The following RAP1GDS1 variants were observed in gnomAD, a reference collection of about 807,000 sequenced individuals.
The protein encoded by RAP1GDS1 is Rap1 GTPase-GDP dissociation stimulator 1.
In RAP1GDS1, 35 loss-of-function variants were observed where a neutral mutation model predicts 71.1. The ratio of observed to expected loss-of-function variants is 0.49; its 90% CI spans 0.38 to 0.65. The LOEUF (loss-of-function observed/expected upper bound fraction) is 0.65. RAP1GDS1 is among the 30% of genes least tolerant of loss of function. The pLI is 0.00. For missense variants in RAP1GDS1, 663 were observed against 706.1 expected (o/e 0.94, Z 0.69); for synonymous variants, 229 against 243.1 (o/e 0.94, Z 0.54).
chr4:98,326,474 G>A (rs1238507866), intron 2 of RAP1GDS1, among the ~76,000 whole-genome samples: 1 of 152,076 alleles, frequency 6.6e-6, no homozygotes, highest in Non-Finnish European at 1.5e-5. Flanking sequence ...AAAGGAAATT[G>A]TGATTTATTC....
intron 6 of RAP1GDS1, among the ~76,000 whole-genome samples, chr4:98,398,880 C>G (rs1744942682): frequency 6.6e-6 from 1 of 152,068 alleles, no homozygotes; most frequent in African/African-American, 2.4e-5. Flanking sequence ...GGTGAAAGAC[C>G]TACAAGGAAA....
intron 4 of RAP1GDS1, among the ~76,000 whole-genome samples, chr4:98,371,631 C>A (rs1740399526): frequency 6.6e-6 from 1 of 152,004 alleles, no homozygotes. Flanking sequence ...CACACGCCAC[C>A]ATGCCTGGCT....
At chr4:98,267,365 T>C (rs1175154750) in intron 1 of RAP1GDS1, among the ~76,000 whole-genome samples, 2 of 152,150 alleles carry the variant, frequency 1.3e-5, no homozygotes, top group African/African-American at 4.8e-5. Flanking sequence ...GTTTTTTACA[T>C]GGGCATGTTA....
chr4:98,371,829 C>T (rs1166376506), intron 4 of RAP1GDS1, among the ~76,000 whole-genome samples: 2 of 152,146 alleles, frequency 1.3e-5, no homozygotes, highest in Non-Finnish European at 2.9e-5. Flanking sequence ...TCAGTGTTTG[C>T]ATGGTATATC....
chr4:98,399,771 CA>C (rs556650694), intron 6 of RAP1GDS1, among the ~76,000 whole-genome samples: 26 of 152,158 alleles, frequency 1.7e-4, no homozygotes, highest in African/African-American at 5.8e-4. Flanking sequence ...ATTAAAAAGA[CA>C]AAAGTTAACA....
chr4:98,292,263 G>T (rs984342593), intron 1 of RAP1GDS1, among the ~76,000 whole-genome samples: 1 of 151,760 alleles, frequency 6.6e-6, no homozygotes, highest in Non-Finnish European at 1.5e-5. Context: ...GAGTAGCTGG[G>T]AATACAGGCA....
intron 1 of RAP1GDS1, among the ~76,000 whole-genome samples, chr4:98,290,331 G>C (rs1726741291): frequency 6.6e-6 from 1 of 152,050 alleles, no homozygotes; most frequent in South Asian, 2.1e-4. Context: ...ACATGACACT[G>C]TCTTGAGATT....
intron 2 of RAP1GDS1, among the ~76,000 whole-genome samples, chr4:98,321,647 G>A (rs1424473339): frequency 1.3e-5 from 2 of 148,308 alleles, no homozygotes; most frequent in Non-Finnish European, 3.0e-5. Context: ...TTTCAACCCA[G>A]AATTTCATAT....
At chr4:98,277,914 A>T (rs2110244492) in intron 1 of RAP1GDS1, among the ~76,000 whole-genome samples, 1 of 152,354 alleles carries the variant, frequency 6.6e-6, no homozygotes, top group Non-Finnish European at 1.5e-5. Context: ...AACTGTTAAC[A>T]CTTAAGAAAT....
intron 2 of RAP1GDS1, among the ~76,000 whole-genome samples, chr4:98,342,162 T>C (rs1356710453): frequency 1.3e-5 from 2 of 152,180 alleles, no homozygotes; most frequent in Non-Finnish European, 2.9e-5. Context: ...TACTTTTTTG[T>C]GGACTTTCTC....
intron 6 of RAP1GDS1, among the ~76,000 whole-genome samples, chr4:98,402,648 TTAA>T (rs1328935141): frequency 1.3e-5 from 2 of 152,182 alleles, no homozygotes; most frequent in African/African-American, 4.8e-5. Context: ...TTTAACCATA[TTAA>T]TGTGTGTCTC....
chr4:98,427,477 T>C (rs1473371500), intron 12 of RAP1GDS1, among the ~76,000 whole-genome samples: 2 of 152,032 alleles, frequency 1.3e-5, no homozygotes, highest in Non-Finnish European at 2.9e-5. Context: ...TAAAGACTCC[T>C]CCAAAAAGCT....
Position 98,306,620 on chromosome 4 carries a change from A to G in RAP1GDS1, c.112+13105A>G, listed in dbSNP as rs531798637. Among the ~76,000 whole-genome samples, 83 of 152,350 alleles carry G rather than the reference A, an allele frequency of 5.4e-4. No individual in the cohort carries two copies. The South Asian group carries it at 0.017, about 31-fold the overall frequency. The stretch of plus-strand genomic sequence containing the variant: ...GATACAATGAATTGGAAATGAATTA[A>G]TATTAGTATCTGAATAAGAATTATG... On this transcript the variant is annotated intron_variant, in intron 2 of 14. Coordinates refer to ENST00000408927, the MANE Select transcript of RAP1GDS1 (RefSeq NM_001100427.2).
At chr4:98,351,174 C>G (rs1200841606) in intron 3 of RAP1GDS1, among the ~76,000 whole-genome samples, 1 of 152,142 alleles carries the variant, frequency 6.6e-6, no homozygotes, top group Non-Finnish European at 1.5e-5. Context: ...CTTAGTACTA[C>G]TGAGTTTGAT....
chr4:98,278,518 A>G (rs1724563128), intron 1 of RAP1GDS1, among the ~76,000 whole-genome samples: 1 of 152,224 alleles, frequency 6.6e-6, no homozygotes, highest in Non-Finnish European at 1.5e-5. Flanking sequence ...CTTATGATCT[A>G]TATAGTCACT....
intron 1 of RAP1GDS1, among the ~76,000 whole-genome samples, chr4:98,279,554 A>G (rs1724748086): frequency 6.6e-6 from 1 of 151,884 alleles, no homozygotes; most frequent in South Asian, 2.1e-4. Flanking sequence ...ATTTATATAT[A>G]CTTACATGTA....
intron 2 of RAP1GDS1, among the ~76,000 whole-genome samples, chr4:98,315,661 A>G (rs1730833152): frequency 6.6e-6 from 1 of 152,092 alleles, no homozygotes; most frequent in Non-Finnish European, 1.5e-5. Flanking sequence ...GGAAGGGTCA[A>G]GAGGTGAAAA....
At chr4:98,282,037 C>G (rs1005277455) in intron 1 of RAP1GDS1, among the ~76,000 whole-genome samples, 19 of 152,058 alleles carry the variant, frequency 1.2e-4, no homozygotes, top group Admixed American at 2.0e-4. Context: ...ATGTTTGCAT[C>G]GATGTTCATC....
At chr4:98,350,082 T>C (rs1736938153) in intron 3 of RAP1GDS1, among the ~76,000 whole-genome samples, 1 of 152,188 alleles carries the variant, frequency 6.6e-6, no homozygotes, top group African/African-American at 2.4e-5. Context: ...TTCCACAATT[T>C]TTCTGTAATT....
Sources: gnomAD v4.1 joint callset for allele counts (sites outside exome capture counted in the v4.1 genomes callset) on GRCh38, gnomAD v4.1.1 for gene constraint, MANE v1.5 for transcripts, NCBI Gene and HGNC (gene_info 2026-07-23, HGNC 2026-07-21) for gene names.